Variants in CCSER1 observed in about 807,000 individuals in gnomAD.
The protein encoded by CCSER1 is coiled-coil serine rich protein 1.
CCSER1 carries 41 observed loss-of-function variants against 82.0 expected under a neutral mutation model. That is an observed-to-expected ratio of 0.50 (90% CI 0.39 to 0.65). The LOEUF is 0.65. CCSER1 is among the 30% of genes least tolerant of loss of function. The pLI, the probability that CCSER1 is intolerant of heterozygous loss-of-function variation, is 0.00. For synonymous variants in CCSER1, 414 were observed against 383.9 expected, an observed-to-expected ratio of 1.08 and a Z score of -0.92; for missense variants, 1,119 against 1,064.2, an observed-to-expected ratio of 1.05 and a Z score of -0.72.
At chr4:90,589,974 T>C (rs1338958408) in intron 5 of CCSER1, among the ~76,000 whole-genome samples, 1 of 152,194 alleles carries the variant, frequency 6.6e-6, no homozygotes, top group East Asian at 1.9e-4. Context: ...TACCTTGTGG[T>C]AAAAACACTT....
At chr4:90,696,727 TC>T (rs879558781) in intron 6 of CCSER1, among the ~76,000 whole-genome samples, 4 of 152,160 alleles carry the variant, frequency 2.6e-5, no homozygotes, top group Non-Finnish European at 5.9e-5. Context: ...CCTAATTTAC[TC>T]CTTCCAACAA....
intron 10 of CCSER1, among the ~76,000 whole-genome samples, chr4:91,276,883 A>C (rs1375521164): frequency 6.6e-6 from 1 of 152,036 alleles, no homozygotes; most frequent in Admixed American, 6.6e-5. Context: ...AATTTTTCCA[A>C]ATGCTTTTTT....
intron 8 of CCSER1, among the ~76,000 whole-genome samples, chr4:90,832,496 G>A (rs1287271883): frequency 6.6e-6 from 1 of 151,966 alleles, no homozygotes; most frequent in Admixed American, 6.6e-5. Flanking sequence ...TTTAATGTTT[G>A]ATGATCCCTC....
At chr4:90,877,924 A>T (rs1720592271) in intron 8 of CCSER1, among the ~76,000 whole-genome samples, 1 of 152,138 alleles carries the variant, frequency 6.6e-6, no homozygotes, top group East Asian at 1.9e-4. Context: ...AACATCAGTT[A>T]CTATCCAAAT....
chr4:90,247,470 A>G (rs549969179), intron 1 of CCSER1, among the ~76,000 whole-genome samples: 1 of 152,306 alleles, frequency 6.6e-6, no homozygotes, highest in South Asian at 2.1e-4. Context: ...GTGAATATTA[A>G]AGTGACTGAC....
At chr4:91,398,213 A>G (rs879833617) in intron 10 of CCSER1, among the ~76,000 whole-genome samples, 1 of 151,966 alleles carries the variant, frequency 6.6e-6, no homozygotes, top group Admixed American at 6.6e-5. Context: ...TTTTACTGTC[A>G]TTATGACTTT....
chr4:90,710,906 A>G (rs59392650), intron 6 of CCSER1, among the ~76,000 whole-genome samples: 34,517 of 151,962 alleles, frequency 0.23, 4,955 homozygotes, highest in African/African-American at 0.4. Flanking sequence ...TTGAATGTAT[A>G]AACTACTTTT....
chr4:91,483,683 G>C (rs1035143400), intron 10 of CCSER1, among the ~76,000 whole-genome samples: 1 of 152,056 alleles, frequency 6.6e-6, no homozygotes, highest in Non-Finnish European at 1.5e-5. Flanking sequence ...TGACCCACCC[G>C]CCTCGGCCTC....
chr4:91,353,276 C>T (rs566852135), intron 10 of CCSER1, among the ~76,000 whole-genome samples: 1 of 149,792 alleles, frequency 6.7e-6, no homozygotes, highest in South Asian at 2.2e-4. Context: ...CTAAAGATTT[C>T]ACATGAAAGG....
intron 1 of CCSER1, among the ~76,000 whole-genome samples, chr4:90,297,049 T>A (rs1022366398): frequency 6.6e-5 from 10 of 152,166 alleles, no homozygotes; most frequent in African/African-American, 2.4e-4. Context: ...GGTAGCTTGA[T>A]GGGGATGGCA....
At chr4:90,506,230 T>C (rs994084159) in intron 5 of CCSER1, among the ~76,000 whole-genome samples, 14 of 152,214 alleles carry the variant, frequency 9.2e-5, no homozygotes, top group African/African-American at 3.4e-4. Context: ...AAGCCAATGA[T>C]TATTAAAATT....
chr4:90,789,601 G>C (rs902881719), intron 7 of CCSER1, among the ~76,000 whole-genome samples: 3 of 151,970 alleles, frequency 2.0e-5, no homozygotes, highest in Non-Finnish European at 4.4e-5. Context: ...GGAGGTAATT[G>C]AATCATGGGG....
chr4:90,532,629 GTAAA>G (rs909277700), intron 5 of CCSER1, among the ~76,000 whole-genome samples: 9 of 152,048 alleles, frequency 5.9e-5, no homozygotes, highest in African/African-American at 2.2e-4. Context: ...TATACAATAG[GTAAA>G]TAAATAGCTG....
intron 10 of CCSER1, among the ~76,000 whole-genome samples, chr4:91,275,974 A>G (rs1372095266): frequency 2.0e-5 from 3 of 152,078 alleles, no homozygotes; most frequent in East Asian, 1.9e-4. Flanking sequence ...CTATAAAAAC[A>G]TGGATTTATC....
intron 1 of CCSER1, among the ~76,000 whole-genome samples, chr4:90,173,058 A>G (rs559523043): frequency 6.6e-6 from 1 of 151,928 alleles, no homozygotes; most frequent in Admixed American, 6.6e-5. Flanking sequence ...TTTCATGCTG[A>G]ACTTGAGCCA....
chr4:90,793,900 A>G (rs1755622343), intron 7 of CCSER1, among the ~76,000 whole-genome samples: 2 of 152,236 alleles, frequency 1.3e-5, no homozygotes, highest in Admixed American at 6.5e-5. Flanking sequence ...TTTGATTTGC[A>G]TTTCTCTAAT....
chr4:91,443,447 T>C (rs998282877), intron 10 of CCSER1, among the ~76,000 whole-genome samples: 2 of 136,962 alleles, frequency 1.5e-5, no homozygotes, highest in Non-Finnish European at 3.0e-5. Context: ...TATGTGGGAA[T>C]TGAACAATGA....
chr4:91,274,663 C>T (rs1237173739), intron 10 of CCSER1, among the ~76,000 whole-genome samples: 1 of 152,090 alleles, frequency 6.6e-6, no homozygotes. Flanking sequence ...ATGAGTTATT[C>T]TTTTTTATGG....
chr4:90,833,179 AC>A (rs1360204043), intron 8 of CCSER1, among the ~76,000 whole-genome samples: 6 of 152,240 alleles, frequency 3.9e-5, no homozygotes, highest in Middle Eastern at 3.4e-3. Flanking sequence ...GAGGGCTTTT[AC>A]CCTGCTTCCA....
Sources: gnomAD v4.1 joint callset for allele counts (sites outside exome capture counted in the v4.1 genomes callset) on GRCh38, gnomAD v4.1.1 for gene constraint, MANE v1.5 for transcripts, NCBI Gene and HGNC (gene_info 2026-07-23, HGNC 2026-07-21) for gene names.